Variants in RBMS3 observed in about 807,000 individuals in gnomAD.
RBMS3 encodes RNA binding motif single stranded interacting protein 3.
RBMS3 carries 27 observed loss-of-function variants against 66.8 expected under a neutral mutation model. The ratio of observed to expected loss-of-function variants is 0.40; its 90% CI spans 0.30 to 0.56. The LOEUF (loss-of-function observed/expected upper bound fraction) is 0.56. Ranked by LOEUF, RBMS3 falls within the 20% of genes least tolerant of loss-of-function variation. The pLI is 0.40. For synonymous variants in RBMS3, 188 were observed against 183.0 expected (o/e 1.03, Z -0.22); for missense variants, 513 against 549.5 (o/e 0.93, Z 0.66).
chr3:29,990,698 T>C (rs1414779108), intron 13 of RBMS3, among the ~76,000 whole-genome samples: 1 of 152,190 alleles, frequency 6.6e-6, no homozygotes, highest in Non-Finnish European at 1.5e-5. Context: ...CCAAATGGTA[T>C]AGACATGATA....
intron 1 of RBMS3, among the ~76,000 whole-genome samples, chr3:29,318,112 C>T (rs1279821353): frequency 6.6e-6 from 1 of 151,810 alleles, no homozygotes. Context: ...GTATTAATTT[C>T]CTGTTTCTTT....
At chr3:29,912,233 C>A (rs553883436) in intron 10 of RBMS3, among the ~76,000 whole-genome samples, 3 of 151,912 alleles carry the variant, frequency 2.0e-5, no homozygotes, top group Admixed American at 2.0e-4. Flanking sequence ...CTATTTTGTT[C>A]TAAATAAATA....
At chr3:29,452,360 C>T (rs538527127) in intron 2 of RBMS3, among the ~76,000 whole-genome samples, 53 of 152,270 alleles carry the variant, frequency 3.5e-4, no homozygotes, top group African/African-American at 1.3e-3. Context: ...TATTACCTGC[C>T]TCCTTTTTTT....
At chr3:29,400,712 C>T (rs1416587414) in intron 1 of RBMS3, among the ~76,000 whole-genome samples, 2 of 151,858 alleles carry the variant, frequency 1.3e-5, no homozygotes, top group South Asian at 2.1e-4. Context: ...TGGAAATGAC[C>T]GTGGGGATCA....
intron 4 of RBMS3, among the ~76,000 whole-genome samples, chr3:29,587,973 A>C (rs1264787063): frequency 6.6e-6 from 1 of 151,958 alleles, no homozygotes; most frequent in Admixed American, 6.6e-5. Context: ...ATACCTGATA[A>C]AGTAACGTAG....
chr3:29,795,249 T>C (rs2057143404), intron 6 of RBMS3, among the ~76,000 whole-genome samples: 1 of 152,196 alleles, frequency 6.6e-6, no homozygotes, highest in Admixed American at 6.5e-5. Context: ...ATCACAGATG[T>C]GTATATATGC....
intron 12 of RBMS3, among the ~76,000 whole-genome samples, chr3:29,955,156 AC>A (rs1286954232): frequency 6.6e-6 from 1 of 152,002 alleles, no homozygotes; most frequent in East Asian, 1.9e-4. Flanking sequence ...ATAGCTGCTC[AC>A]TGGCCTCTGC....
At chr3:29,922,147 TGTTAAA>T (rs2060799289) in intron 10 of RBMS3, among the ~76,000 whole-genome samples, 1 of 152,258 alleles carries the variant, frequency 6.6e-6, no homozygotes. Flanking sequence ...TATTATAGCT[TGTTAAA>T]GTTATTTAAC....
chr3:29,532,838 A>T (rs1451921647), intron 3 of RBMS3, among the ~76,000 whole-genome samples: 1 of 152,250 alleles, frequency 6.6e-6, no homozygotes, highest in South Asian at 2.1e-4. Flanking sequence ...TAACACATTT[A>T]TGTGTGTGGC....
chr3:29,552,268 G>T (rs2046203706), intron 3 of RBMS3, among the ~76,000 whole-genome samples: 1 of 152,132 alleles, frequency 6.6e-6, no homozygotes, highest in Non-Finnish European at 1.5e-5. Flanking sequence ...TCACATTCCT[G>T]CCTCTTTGGG....
chr3:29,595,323 C>A (rs1012030908), intron 4 of RBMS3, among the ~76,000 whole-genome samples: 1 of 149,626 alleles, frequency 6.7e-6, no homozygotes, highest in Non-Finnish European at 1.5e-5. Flanking sequence ...CACTTCAACC[C>A]GGGAGGTGGA....
chr3:29,838,398 C>T, intron 6 of RBMS3, among the ~76,000 whole-genome samples: 1 of 152,038 alleles, frequency 6.6e-6, no homozygotes, highest in East Asian at 1.9e-4. Context: ...ATTCATTATT[C>T]ATTCATAACG....
At chr3:29,910,656 G>GTGT (rs1221393444) in intron 10 of RBMS3, among the ~76,000 whole-genome samples, 1 of 151,924 alleles carries the variant, frequency 6.6e-6, no homozygotes, top group Non-Finnish European at 1.5e-5. Flanking sequence ...ATGGTTAATG[G>GTGT]TGTTGATTAG....
At chr3:29,649,189 T>C (rs2050053808) in intron 4 of RBMS3, among the ~76,000 whole-genome samples, 1 of 152,232 alleles carries the variant, frequency 6.6e-6, no homozygotes, top group South Asian at 2.1e-4. Flanking sequence ...CAAATTTATT[T>C]AGTTTTTGAA....
intron 6 of RBMS3, among the ~76,000 whole-genome samples, chr3:29,829,000 T>TA (rs2058285795): frequency 2.1e-5 from 1 of 48,550 alleles, no homozygotes; most frequent in Admixed American, 1.7e-4. Flanking sequence ...CTTTCTTTCT[T>TA]TCTTTCTTTC....
intron 6 of RBMS3, among the ~76,000 whole-genome samples, chr3:29,839,481 ACT>A (rs1449454970): frequency 6.6e-6 from 1 of 152,014 alleles, no homozygotes; most frequent in African/African-American, 2.4e-5. Flanking sequence ...ATAATGTTAA[ACT>A]CTTAAGAAGT....
At chr3:29,729,764 A>G (rs1285002313) in intron 4 of RBMS3, among the ~76,000 whole-genome samples, 1 of 151,770 alleles carries the variant, frequency 6.6e-6, no homozygotes, top group Non-Finnish European at 1.5e-5. Flanking sequence ...TTTAATTGGG[A>G]AAAACTACTT....
chr3:29,985,654 C>T (rs1300471298), intron 12 of RBMS3, among the ~76,000 whole-genome samples: 6 of 152,236 alleles, frequency 3.9e-5, no homozygotes, highest in East Asian at 1.9e-4. Flanking sequence ...TACGCTGCTT[C>T]GGCTCACCCT....
At chr3:29,829,999 A>C (rs150096961) in intron 6 of RBMS3, among the ~76,000 whole-genome samples, 1 of 152,150 alleles carries the variant, frequency 6.6e-6, no homozygotes, top group East Asian at 1.9e-4. Flanking sequence ...AAATTGCCTT[A>C]TTTTGGAGCT....
Sources: allele counts gnomAD v4.1 joint callset (sites outside exome capture counted in the v4.1 genomes callset), GRCh38; gene constraint gnomAD v4.1.1; transcripts MANE v1.5; gene names NCBI Gene and HGNC (gene_info 2026-07-23, HGNC 2026-07-21).